PTPRD: variants seen among roughly 807,000 people sequenced by gnomAD.
PTPRD encodes receptor-type tyrosine-protein phosphatase delta.
A neutral mutation model predicts 214.5 loss-of-function variants in PTPRD; 34 were observed. The observed-to-expected ratio is 0.16, with a 90% confidence interval of 0.12 to 0.21. The LOEUF is 0.21. Ranked by LOEUF, PTPRD falls within the 10% of genes least tolerant of loss-of-function variation. The pLI is 1.00. For synonymous variants in PTPRD, 1,128 were observed against 845.7 expected (o/e 1.33, Z -5.79); for missense variants, 2,545 against 2,398.7 (o/e 1.06, Z -1.27).
intron 2 of PTPRD, among the ~76,000 whole-genome samples, chr9:10,481,681 A>G (rs2099098955): frequency 6.6e-6 from 1 of 152,240 alleles, no homozygotes; most frequent in Non-Finnish European, 1.5e-5. Context: ...GCCCATAATC[A>G]TTAAATGTTA....
At chr9:10,589,582 C>G (rs1339018822) in intron 2 of PTPRD, among the ~76,000 whole-genome samples, 1 of 151,972 alleles carries the variant, frequency 6.6e-6, no homozygotes, top group Non-Finnish European at 1.5e-5. Context: ...TCTTGCCAAA[C>G]TCAGGAATGA....
At chr9:9,434,431 T>C (rs9299095) in intron 8 of PTPRD, among the ~76,000 whole-genome samples, 34,382 of 152,106 alleles carry the variant, frequency 0.23, 4,530 homozygotes, top group African/African-American at 0.36. Flanking sequence ...TTAAAATGGC[T>C]ACGCTGCCCA....
chr9:10,101,309 T>C (rs759800443), intron 3 of PTPRD, among the ~76,000 whole-genome samples: 1 of 151,600 alleles, frequency 6.6e-6, no homozygotes, highest in African/African-American at 2.4e-5. Flanking sequence ...TAAAAATGCC[T>C]CCTCAAGCAG....
intron 3 of PTPRD, among the ~76,000 whole-genome samples, chr9:10,100,349 T>G (rs946987720): frequency 1.3e-5 from 2 of 151,688 alleles, no homozygotes; most frequent in Non-Finnish European, 2.9e-5. Flanking sequence ...CCATCCCAAG[T>G]TCAAATGGGT....
Position 10,414,648 on chromosome 9 carries a change from T to C in PTPRD, c.-599-73631A>G, listed in dbSNP as rs183871670. 1.6e-3 allele frequency among the ~76,000 whole-genome samples: 246 copies of C among 152,028 alleles called. 4 individuals carry two copies. The highest frequency in any genetic ancestry group is 6.6e-3 in the East Asian group (34 of 5,132). On this transcript the variant is annotated intron_variant, in intron 2 of 45. Coordinates refer to ENST00000381196, the MANE Select transcript of PTPRD (RefSeq NM_002839.4). Reference sequence around the variant, plus strand: ...AAAGACACATGCACGTGAATGTTCATTGCAGCACTATTCACAATAGCAAAG... The same window carrying C: ...AAAGACACATGCACGTGAATGTTCACTGCAGCACTATTCACAATAGCAAAG...
chr9:9,204,918 T>G (rs912365398), intron 9 of PTPRD, among the ~76,000 whole-genome samples: 14 of 152,186 alleles, frequency 9.2e-5, no homozygotes, highest in African/African-American at 3.4e-4. Flanking sequence ...AACTTATTGT[T>G]CCTGGAGTTA....
At chr9:8,763,969 T>A (rs1485406312) in intron 11 of PTPRD, among the ~76,000 whole-genome samples, 1 of 152,244 alleles carries the variant, frequency 6.6e-6, no homozygotes, top group Non-Finnish European at 1.5e-5. Context: ...TAATGCTTTT[T>A]AAATATCAGT....
At chr9:9,480,071 G>T (rs1184937985) in intron 8 of PTPRD, among the ~76,000 whole-genome samples, 1 of 152,144 alleles carries the variant, frequency 6.6e-6, no homozygotes, top group African/African-American at 2.4e-5. Flanking sequence ...ACAGAATGTT[G>T]CTATCAAAAA....
intron 11 of PTPRD, among the ~76,000 whole-genome samples, chr9:8,812,095 T>C (rs2096820630): frequency 6.6e-6 from 1 of 152,130 alleles, no homozygotes; most frequent in Admixed American, 6.6e-5. Flanking sequence ...CTATCCTACA[T>C]ATGGCACAAA....
chr9:8,795,118 A>G (rs929312969), intron 11 of PTPRD, among the ~76,000 whole-genome samples: 18 of 152,160 alleles, frequency 1.2e-4, no homozygotes, highest in African/African-American at 4.1e-4. Flanking sequence ...CACTACCAAA[A>G]TGGGAAAACA....
At chr9:9,384,262 T>G (rs1169818720) in intron 9 of PTPRD, among the ~76,000 whole-genome samples, 1 of 150,842 alleles carries the variant, frequency 6.6e-6, no homozygotes, top group South Asian at 2.1e-4. Context: ...TACCATGTTG[T>G]GTATTGTAAA....
chr9:10,344,578 G>T (rs1487336922), intron 2 of PTPRD, among the ~76,000 whole-genome samples: 3 of 152,122 alleles, frequency 2.0e-5, no homozygotes, highest in Non-Finnish European at 4.4e-5. Flanking sequence ...AAAGTCTTTG[G>T]TAGCTTGATG....
chr9:10,508,974 T>C (rs1159866385), intron 2 of PTPRD, among the ~76,000 whole-genome samples: 1 of 151,878 alleles, frequency 6.6e-6, no homozygotes, highest in Non-Finnish European at 1.5e-5. Flanking sequence ...AAAATATAAA[T>C]TGGAGGCATA....
At chr9:10,341,255 T>C (rs1402457583) in intron 2 of PTPRD, among the ~76,000 whole-genome samples, 1 of 151,962 alleles carries the variant, frequency 6.6e-6, no homozygotes, top group African/African-American at 2.4e-5. Flanking sequence ...TACTAAGGCT[T>C]ACTCAGAAAG....
intron 7 of PTPRD, among the ~76,000 whole-genome samples, chr9:9,727,021 T>C (rs888290651): frequency 1.1e-4 from 16 of 152,176 alleles, no homozygotes; most frequent in Non-Finnish European, 2.4e-4. Context: ...TATATTTTGG[T>C]GAACACCTGG....
intron 8 of PTPRD, among the ~76,000 whole-genome samples, chr9:9,418,635 T>C (rs1453693430): frequency 6.6e-6 from 1 of 152,028 alleles, no homozygotes; most frequent in African/African-American, 2.4e-5. Flanking sequence ...TTAAATGAGA[T>C]AGCATACATA....
intron 7 of PTPRD, among the ~76,000 whole-genome samples, chr9:9,691,901 T>C (rs930720111): frequency 6.6e-6 from 1 of 152,124 alleles, no homozygotes; most frequent in Non-Finnish European, 1.5e-5. Flanking sequence ...TTTATATACC[T>C]GTTTGCCATT....
At chr9:8,723,125 G>A (rs1330426146) in intron 12 of PTPRD, among the ~76,000 whole-genome samples, 8 of 151,854 alleles carry the variant, frequency 5.3e-5, no homozygotes, top group East Asian at 1.9e-4. Flanking sequence ...CCCTTTATAC[G>A]ACCTCCAGGG....
intron 3 of PTPRD, among the ~76,000 whole-genome samples, chr9:10,040,476 G>A (rs2097276060): frequency 6.6e-6 from 1 of 152,042 alleles, no homozygotes; most frequent in African/African-American, 2.4e-5. Flanking sequence ...TACCCTGAGT[G>A]TGGGATGCAA....
Sources: gnomAD v4.1 joint callset for allele counts (sites outside exome capture counted in the v4.1 genomes callset) on GRCh38, gnomAD v4.1.1 for gene constraint, MANE v1.5 for transcripts, NCBI Gene and HGNC (gene_info 2026-07-23, HGNC 2026-07-21) for gene names.